SIRPG: variants seen among roughly 807,000 people sequenced by gnomAD.
SIRPG encodes the protein signal-regulatory protein gamma.
In SIRPG, 38 loss-of-function variants were observed where a neutral mutation model predicts 35.7. The observed-to-expected ratio is 1.06, with a 90% CI of 0.82 to 1.40. SIRPG has a LOEUF of 1.40. Among genes scored for constraint, SIRPG ranks in the 40% most tolerant of loss-of-function variants. The probability of loss-of-function intolerance (pLI) is 0.00; values close to 1 mark genes in which losing one functional copy is unlikely to be tolerated. For missense variants in SIRPG, 519 were observed against 483.0 expected (o/e 1.07, Z -0.70); for synonymous variants, 215 against 190.4 (o/e 1.13, Z -1.06).
chr20:1,644,049 TG>T lies in SIRPG; in HGVS notation c.430+5002del, dbSNP rs757911861. On this transcript the variant is annotated intron_variant, in intron 2 of 5. Transcript: ENST00000303415. ...TATTAGAGGGTCTCTCTCAGTTGGG[TG>T]GCACGGGGAGCAGGACCCATTTAAC... Among the ~76,000 whole-genome samples, 10 of 152,260 alleles carry T rather than the reference TG, an allele frequency of 6.6e-5. No homozygotes were observed. The East Asian group carries it at 1.2e-3, about 18-fold the overall frequency.
chr20:1,684,360 T>A, the SIRPG span, among the ~76,000 whole-genome samples: 3 of 151,262 alleles, frequency 2.0e-5, no homozygotes, highest in Non-Finnish European at 4.4e-5. Context: ...AAATGTGAAA[T>A]CTTATGTACA....
At chr20:1,669,328 T>C in the SIRPG span, among the ~76,000 whole-genome samples, 2 of 152,344 alleles carry the variant, frequency 1.3e-5, no homozygotes, top group African/African-American at 2.4e-5. Context: ...AACTACTGGA[T>C]GTTTGAAGCA....
At chr20:1,669,166 G>A in the SIRPG span, among the ~76,000 whole-genome samples, 83 of 152,298 alleles carry the variant, frequency 5.4e-4, 1 homozygote, top group African/African-American at 1.9e-3. Flanking sequence ...CAAATTTGCC[G>A]TACAGGCTGA....
chr20:1,657,323 AG>A (rs1433497886), intron 1 of SIRPG, among the ~76,000 whole-genome samples: 2 of 152,324 alleles, frequency 1.3e-5, no homozygotes, highest in African/African-American at 4.8e-5. Context: ...AAAGAGGAGG[AG>A]GGCACACAAA....
chr20:1,679,261 A>G, the SIRPG span, among the ~76,000 whole-genome samples: 1 of 152,202 alleles, frequency 6.6e-6, no homozygotes, highest in South Asian at 2.1e-4. Flanking sequence ...ATGAGGAAAT[A>G]AAGATGTCCA....
chr20:1,664,871 G>A, the SIRPG span, among the ~76,000 whole-genome samples: 1 of 152,114 alleles, frequency 6.6e-6, no homozygotes, highest in African/African-American at 2.4e-5. Flanking sequence ...GAGGATCAGA[G>A]TGGGAACAGC....
At chr20:1,679,738 C>A in the SIRPG span, among the ~76,000 whole-genome samples, 170 of 152,260 alleles carry the variant, frequency 1.1e-3, 1 homozygote, top group African/African-American at 3.9e-3. Context: ...ACACTAATGG[C>A]AATGAGAATG....
At chr20:1,665,237 C>T in the SIRPG span, 3 of 158,360 alleles carry the variant, frequency 1.9e-5, no homozygotes, top group Admixed American at 6.5e-5. Context: ...TGGCCTTGCC[C>T]TTCTGCGGCA....
the SIRPG span, among the ~76,000 whole-genome samples, chr20:1,674,847 T>C: frequency 6.6e-6 from 1 of 151,836 alleles, no homozygotes; most frequent in Non-Finnish European, 1.5e-5. Context: ...CCTAAAGGAG[T>C]CGTGATGATC....
the SIRPG span, among the ~76,000 whole-genome samples, chr20:1,668,534 G>A: frequency 5.3e-5 from 8 of 151,932 alleles, no homozygotes; most frequent in Non-Finnish European, 7.4e-5. Flanking sequence ...CAACCACCTC[G>A]GTCTCCCAAA....
At position 1,649,405 on chromosome 20, in the gene SIRPG, A is replaced by G. The variant is rs1183850080; in HGVS notation, c.77T>C (p.Val26Ala). The G allele has an allele frequency of 6.3e-7, 1 of 1,599,434 alleles. No individual in the cohort carries two copies. The highest frequency in any genetic ancestry group is 1.1e-5 in the South Asian group (1 of 89,766). Residue 26 changes from valine to alanine, a missense_variant, in exon 2 of 6, where the codon GTG (valine) becomes GCG (alanine). By Grantham distance (64) the Val-to-Ala change is moderately conservative. Transcript: ENST00000303415. Reference sequence around the variant, plus strand: ...CATCTGTAGCTCCTCCTCACCTGCCACTTCTGAAAAGGAGCACAAAGCAAT... The same window carrying G: ...CATCTGTAGCTCCTCCTCACCTGCCGCTTCTGAAAAGGAGCACAAAGCAAT... ...LLTLLLGLTE[V>A]AGEEELQMIQ...
At chr20:1,634,364 G>A (rs573753001) in intron 4 of SIRPG, among the ~76,000 whole-genome samples, 122 of 151,794 alleles carry the variant, frequency 8.0e-4, no homozygotes, top group African/African-American at 2.8e-3. Flanking sequence ...CCGCCACCAC[G>A]CCCGGCTCAT....
the SIRPG span, among the ~76,000 whole-genome samples, chr20:1,664,119 G>A: frequency 6.6e-6 from 1 of 152,174 alleles, no homozygotes. Context: ...ATCAAACCTT[G>A]TGAATACTAA....
chr20:1,650,002 G>GTATATATATATATATA (rs200260253), intron 1 of SIRPG, among the ~76,000 whole-genome samples: 2,332 of 80,494 alleles, frequency 0.029, 48 homozygotes, highest in African/African-American at 0.041. Flanking sequence ...ACTTTGAAGT[G>GTATATATATATATATA]TGTATATATA....
chr20:1,635,562 C>T lies in SIRPG; in HGVS notation c.786G>A (p.Arg262=). The T allele has an allele frequency of 6.2e-7, 1 of 1,614,112 alleles. No homozygotes were observed. Among genetic ancestry groups the T allele is most frequent in the African/African-American group, 1.3e-5 (1 of 75,030 alleles). ...AGGTGACGTTTACCTGGTTCCCCAC[C>T]CTCATGGGCTGTTGAGTAACCTCCA... is the stretch of plus-strand genomic sequence containing the variant. ...PTLEVTQQPM[R]VGNQVNVTCQ... The change falls in exon 4 of 6, where the codon AGG becomes AGA. Residue 262 remains arginine, a synonymous_variant. Coordinates refer to ENST00000303415, the MANE Select transcript of SIRPG (RefSeq NM_018556.4).
Position 1,635,329 on chromosome 20 carries a change from C to T in SIRPG, c.1019G>A (p.Ser340Asn). The change falls in exon 4 of 6, where the codon AGC becomes AAC. Residue 340 changes from serine (S) to asparagine (N), a missense_variant. Transcript: ENST00000303415. Reference protein sequence around the residue: ...QVKHDGQLAVSKRLALEVTVH... With the variant: ...QVKHDGQLAVNKRLALEVTVH... ...TGTGACCTCTAGGGCAAGGCGTTTG[C>T]TGACCGCCAGCTGCCCATCATGCTT... is the stretch of plus-strand genomic sequence containing the variant. 2 of 1,614,178 alleles carry T rather than the reference C, an allele frequency of 1.2e-6. No homozygotes were observed. The highest frequency in any genetic ancestry group is 1.7e-6 in the Non-Finnish European group (2 of 1,180,028).
chr20:1,680,762 G>A, the SIRPG span, among the ~76,000 whole-genome samples: 1 of 152,094 alleles, frequency 6.6e-6, no homozygotes, highest in Non-Finnish European at 1.5e-5. Context: ...ATCTTTCTAT[G>A]ACAAAAATAA....
chr20:1,666,707 G>A, the SIRPG span: 1 of 152,104 alleles, frequency 6.6e-6, no homozygotes, highest in African/African-American at 2.4e-5. Context: ...TGTTTATAAA[G>A]TCTACATAGG....
the SIRPG span, among the ~76,000 whole-genome samples, chr20:1,669,345 G>C: frequency 6.6e-6 from 1 of 152,218 alleles, no homozygotes; most frequent in Non-Finnish European, 1.5e-5. Context: ...AGCAGGAAGG[G>C]AGAGTATAGA....
Sources: gnomAD v4.1 joint callset for allele counts (sites outside exome capture counted in the v4.1 genomes callset) on GRCh38, gnomAD v4.1.1 for gene constraint, MANE v1.5 for transcripts, NCBI Gene and HGNC (gene_info 2026-07-23, HGNC 2026-07-21) for gene names.